BFSP1: variants seen among roughly 807,000 people sequenced by gnomAD.
BFSP1 encodes filensin.
A neutral mutation model predicts 43.9 loss-of-function variants in BFSP1; 38 were observed. The ratio of observed to expected loss-of-function variants is 0.87; its 90% CI spans 0.67 to 1.14. BFSP1 has a LOEUF of 1.14. Among genes scored for constraint, BFSP1 ranks in the 50% most tolerant of loss-of-function variants. The pLI is 0.00. For synonymous variants in BFSP1, 352 were observed against 354.8 expected (o/e 0.99, Z 0.09); for missense variants, 850 against 875.1 (o/e 0.97, Z 0.36).
intron 1 of BFSP1, 56 bp from the exon 2 acceptor site, chr20:17,524,964 G>A (rs998484118): frequency 9.6e-6 from 14 of 1,451,576 alleles, no homozygotes; most frequent in Non-Finnish European, 1.3e-5. Flanking sequence ...TCACATGTAT[G>A]GATCACATAA....
At chr20:17,527,148 T>G (rs1424646094) in intron 1 of BFSP1, among the ~76,000 whole-genome samples, 1 of 152,268 alleles carries the variant, frequency 6.6e-6, no homozygotes, top group Non-Finnish European at 1.5e-5. Context: ...GAAGCTGAGT[T>G]CTATCTAGGA....
chr20:17,528,127 A>ATGTATG (rs1317015153), intron 1 of BFSP1, among the ~76,000 whole-genome samples: 3 of 152,164 alleles, frequency 2.0e-5, no homozygotes, highest in Non-Finnish European at 4.4e-5. Flanking sequence ...CCAGCCTGGC[A>ATGTATG]TGTATGTGTA....
intron 1 of BFSP1, among the ~76,000 whole-genome samples, chr20:17,526,062 C>T (rs892710914): frequency 3.0e-5 from 4 of 133,454 alleles, no homozygotes; most frequent in African/African-American, 1.1e-4. Context: ...CCAGACCTTA[C>T]ACAAGTGAGA....
chr20:17,517,332 A>T, intron 2 of BFSP1: 1 of 1,065,564 alleles, frequency 9.4e-7, no homozygotes, highest in Non-Finnish European at 1.4e-6. Flanking sequence ...AATAAAAGAC[A>T]TGAACTAACA....
intron 5 of BFSP1, among the ~76,000 whole-genome samples, chr20:17,505,710 C>T (rs762623775): frequency 3.9e-5 from 6 of 152,204 alleles, no homozygotes; most frequent in Non-Finnish European, 8.8e-5. Flanking sequence ...GAACATTCGC[C>T]CACTCCCTGG....
chr20:17,528,533 T>G (rs541613055), intron 1 of BFSP1, among the ~76,000 whole-genome samples: 1 of 152,228 alleles, frequency 6.6e-6, no homozygotes, highest in Non-Finnish European at 1.5e-5. Flanking sequence ...TTCATCTGAA[T>G]GAGGTCCTAT....
intron 1 of BFSP1, among the ~76,000 whole-genome samples, chr20:17,544,207 G>T (rs886449859): frequency 1.3e-5 from 2 of 152,156 alleles, no homozygotes; most frequent in African/African-American, 4.8e-5. Context: ...CATATCTAAG[G>T]GTTCTAGGAG....
upstream of BFSP1, among the ~76,000 whole-genome samples, chr20:17,560,038 CAG>C (rs1324668424): frequency 1.3e-5 from 2 of 152,018 alleles, no homozygotes; most frequent in Non-Finnish European, 2.9e-5. Context: ...GAATACAACT[CAG>C]AGTTCCCTCA....
intron 1 of BFSP1, among the ~76,000 whole-genome samples, chr20:17,527,679 G>A (rs1389561902): frequency 6.6e-6 from 1 of 152,052 alleles, no homozygotes; most frequent in Admixed American, 6.6e-5. Context: ...AGTGAGCCGA[G>A]ATCACGCCAC....
chr20:17,496,825 C>A (rs2123450309), intron 7 of BFSP1, 113 bp downstream of exon 7: 1 of 982,112 alleles, frequency 1.0e-6, no homozygotes, highest in Non-Finnish European at 1.5e-6. Flanking sequence ...CACATAAAAG[C>A]ATTTAATTTC....
At position 17,531,026 on chromosome 20, in the gene BFSP1, G is replaced by T. The variant is rs964494698; in HGVS notation, c.304C>A (p.Leu102Met). 1.4e-6 allele frequency: 2 copies of T among 1,424,400 alleles called. No individual in the cohort carries two copies. The highest frequency in any genetic ancestry group is 1.8e-6 in the Non-Finnish European group (2 of 1,093,016). 88.2% of individuals were successfully genotyped at this position (1,424,400 alleles called of 1,614,324 possible). ...VESNRQRVRDLEAERARLERQ... is the reference protein window; with the variant it reads ...VESNRQRVRDMEAERARLERQ... Reference sequence around the variant, plus strand: ...TCCAGCCGGGCGCGCTCGGCCTCCAGGTCCCGGACGCGCTGGCGGTTGCTC... The same window carrying T: ...TCCAGCCGGGCGCGCTCGGCCTCCATGTCCCGGACGCGCTGGCGGTTGCTC... The change falls in exon 1 of 8, where the codon CTG becomes ATG. Residue 102 changes from leucine (L) to methionine (M), a missense_variant. By Grantham distance (15) the Leu-to-Met change is conservative (BLOSUM62 2). Coordinates refer to ENST00000377873, the MANE Select transcript of BFSP1 (RefSeq NM_001195.5).
chr20:17,537,693 A>G (rs2034651475), intron 1 of BFSP1, among the ~76,000 whole-genome samples: 1 of 152,112 alleles, frequency 6.6e-6, no homozygotes, highest in Non-Finnish European at 1.5e-5. Context: ...TGGACCCTAG[A>G]CTGCAAAAAT....
chr20:17,494,050 T>C lies in BFSP1; in HGVS notation c.*24A>G. 1.3e-6 allele frequency: 2 copies of C among 1,579,942 alleles called. No individual in the cohort carries two copies. The highest frequency in any genetic ancestry group is 1.7e-6 in the Non-Finnish European group (2 of 1,159,450). On this transcript the variant is annotated 3_prime_UTR_variant, in exon 8 of 8. Transcript: ENST00000377873. ...ACCCCTACAGTGGCCCCAAATACAT[T>C]TTATCCCATCAAGCCTGGGCATTTT...
chr20:17,558,936 C>T, exon 1 of BFSP1: 1 of 401,224 alleles, frequency 2.5e-6, no homozygotes, highest in East Asian at 3.8e-5. Context: ...GCAAGCAATT[C>T]CTTCCACTTC....
chr20:17,533,718 T>C (rs1003636624), upstream of BFSP1, among the ~76,000 whole-genome samples: 1 of 152,204 alleles, frequency 6.6e-6, no homozygotes, highest in Non-Finnish European at 1.5e-5. Context: ...AATCCCATCA[T>C]GCTGGAGTGG....
chr20:17,501,562 A>G (rs1346584137), intron 5 of BFSP1, among the ~76,000 whole-genome samples: 1 of 147,708 alleles, frequency 6.8e-6, no homozygotes, highest in Non-Finnish European at 1.5e-5. Context: ...TGGGTGACAG[A>G]GCACCCCAGA....
chr20:17,498,058 A>C (rs2033697965), intron 6 of BFSP1, among the ~76,000 whole-genome samples: 1 of 152,218 alleles, frequency 6.6e-6, no homozygotes, highest in African/African-American at 2.4e-5. Flanking sequence ...CAAGCATTCG[A>C]GTGCTCACAG....
At chr20:17,534,297 A>G (rs190945670), upstream of BFSP1, among the ~76,000 whole-genome samples, 271 of 152,344 alleles carry the variant, frequency 1.8e-3, no homozygotes, top group Admixed American at 4.2e-3. Flanking sequence ...ATGTTTTAGA[A>G]TAAGAAAGAT....
At chr20:17,562,254 G>T (rs2035073304), upstream of BFSP1, among the ~76,000 whole-genome samples, 1 of 142,238 alleles carries the variant, frequency 7.0e-6, no homozygotes, top group Non-Finnish European at 1.5e-5. Flanking sequence ...CAGGCCGGGA[G>T]CGATGGCTCA....
Sources: gnomAD v4.1 joint callset for allele counts (sites outside exome capture counted in the v4.1 genomes callset) on GRCh38, gnomAD v4.1.1 for gene constraint, MANE v1.5 for transcripts, NCBI Gene and HGNC (gene_info 2026-07-23, HGNC 2026-07-21) for gene names.